The following PCDHA1 variants were observed in gnomAD, a reference collection of about 807,000 sequenced individuals.
The protein encoded by PCDHA1 is protocadherin alpha-1.
PCDHA1 carries 42 observed loss-of-function variants against 61.3 expected under a neutral mutation model. The ratio of observed to expected loss-of-function variants is 0.69; its 90% CI spans 0.54 to 0.89. The LOEUF (loss-of-function observed/expected upper bound fraction) is 0.89, where lower values mean the gene tolerates loss of function less well. Among genes scored for constraint, PCDHA1 ranks in the 40% least tolerant of loss-of-function variants. PCDHA1 has a pLI of 0.00. For missense variants in PCDHA1, 1,256 were observed against 1,235.3 expected, an observed-to-expected ratio of 1.02 and a Z score of -0.25; for synonymous variants, 610 against 553.8, an observed-to-expected ratio of 1.10 and a Z score of -1.43.
intron 1 of PCDHA1, among the ~76,000 whole-genome samples, chr5:140,941,953 C>A (rs1166757165): frequency 6.6e-6 from 1 of 152,054 alleles, no homozygotes; most frequent in Non-Finnish European, 1.5e-5. Flanking sequence ...GTTTTGAAAA[C>A]AATAGTATCT....
Position 140,958,902 on chromosome 5 carries a change from GAA to G in PCDHA1, c.2395-20044_2395-20043del, listed in dbSNP as rs201571519. On this transcript the variant is annotated intron_variant, in intron 1 of 3. Transcript: ENST00000504120. ...GACCAGTAGCTATATAATAGATACA[GAA>G]AAGTCTGCCTGGGTGTGGTGGCTCA... Among the ~76,000 whole-genome samples the G allele has an allele frequency of 8.2e-3, 1,248 of 152,002 alleles. 7 individuals carry two copies. The highest frequency in any genetic ancestry group is 0.021 in the Middle Eastern group (6 of 292).
In PCDHA1 at chr5:140,853,662, T is replaced by C. The variant is rs1319921056; in HGVS notation, c.2394+64978T>C. The C allele has an allele frequency of 3.4e-5, 34 of 988,522 alleles. 1 individual carries two copies. In the African/African-American group the frequency reaches 3.9e-4, roughly 11 times the overall value. 61.2% of individuals were successfully genotyped at this position (988,522 alleles called of 1,614,324 possible). ...CTAAATTGAGCCTGTTCCAGACAAA[T>C]TGGGGCCTATGGTCAACCTATCCTT... On this transcript the variant is annotated intron_variant, in intron 1 of 3. Coordinates refer to ENST00000504120, the MANE Select transcript of PCDHA1 (RefSeq NM_018900.4).
chr5:140,882,451 G>C, intron 1 of PCDHA1: 1 of 1,614,040 alleles, frequency 6.2e-7, no homozygotes. Flanking sequence ...AGCTGGTGCC[G>C]CGCCTGTTCC....
chr5:140,932,952 T>G (rs2088746376), intron 1 of PCDHA1, among the ~76,000 whole-genome samples: 1 of 152,008 alleles, frequency 6.6e-6, no homozygotes, highest in Non-Finnish European at 1.5e-5. Flanking sequence ...GAAGGTGGAC[T>G]AAATTGCTGA....
chr5:140,869,793 C>A (rs782122541), intron 1 of PCDHA1: 44 of 1,612,682 alleles, frequency 2.7e-5, no homozygotes, highest in Non-Finnish European at 3.7e-5. Context: ...GGCTGTTAGT[C>A]CAAGTCTTGG....
intron 1 of PCDHA1, among the ~76,000 whole-genome samples, chr5:140,915,719 T>C (rs545655335): frequency 6.6e-6 from 1 of 152,074 alleles, no homozygotes; most frequent in African/African-American, 2.4e-5. Context: ...GCCCCCACTT[T>C]GGATTGTGCT....
chr5:140,865,345 A>T (rs555567469), intron 1 of PCDHA1: 4 of 152,320 alleles, frequency 2.6e-5, no homozygotes, highest in African/African-American at 9.6e-5. Context: ...GAAATAGTAT[A>T]TTTACATATT....
chr5:140,967,628 T>C (rs1341456967), intron 1 of PCDHA1: 3 of 1,613,984 alleles, frequency 1.9e-6, no homozygotes, highest in Non-Finnish European at 2.5e-6. Context: ...GGATGAGGGC[T>C]CCAATGGTGA....
chr5:140,890,931 C>T (rs2062870447), intron 1 of PCDHA1, among the ~76,000 whole-genome samples: 1 of 152,090 alleles, frequency 6.6e-6, no homozygotes, highest in Admixed American at 6.6e-5. Context: ...TTCCTTTAGT[C>T]CAAAGATGCT....
chr5:140,801,535 C>T (rs1343853054), intron 1 of PCDHA1: 7 of 1,614,076 alleles, frequency 4.3e-6, no homozygotes, highest in African/African-American at 2.7e-5. Flanking sequence ...GTGGACAGGC[C>T]GCTGCAGGTT....
chr5:140,882,605 C>T (rs1554174797), intron 1 of PCDHA1: 2 of 1,614,120 alleles, frequency 1.2e-6, no homozygotes, highest in Non-Finnish European at 1.7e-6. Context: ...CGTGGACAGG[C>T]CTCTGCAGGT....
Position 140,993,289 on chromosome 5 carries a change from C to T in PCDHA1, c.2542+10726C>T, listed in dbSNP as rs148346866. Among the ~76,000 whole-genome samples the T allele has an allele frequency of 3.6e-3, 552 of 152,140 alleles. 3 individuals are homozygous for T. The highest frequency in any genetic ancestry group is 0.01 in the Middle Eastern group (3 of 294). On this transcript the variant is annotated intron_variant, in intron 3 of 3. Coordinates refer to ENST00000504120, the MANE Select transcript of PCDHA1 (RefSeq NM_018900.4). ...TCTTTGGTCTTTTCTTGCCCAGGGTCACAACCTTGCCTCCAGGATAATACC... is the reference window on the plus strand; with the variant it reads ...TCTTTGGTCTTTTCTTGCCCAGGGTTACAACCTTGCCTCCAGGATAATACC...
chr5:141,011,745 A>G lies in PCDHA1; in HGVS notation c.*1808A>G, dbSNP rs1378591918. 3 of 153,762 alleles carry G rather than the reference A, an allele frequency of 2.0e-5. No individual in the cohort carries two copies. The highest frequency in any genetic ancestry group is 1.9e-4 in the East Asian group (1 of 5,196). 9.5% of individuals were successfully genotyped at this position (153,762 alleles called of 1,614,324 possible). ...GGGTGTGCAAGCACAAATTTTACCA[A>G]TCTGACCTCTTTGAAGTTGCAGAAT... On this transcript the variant is annotated 3_prime_UTR_variant, in exon 4 of 4. Coordinates refer to ENST00000504120, the MANE Select transcript of PCDHA1 (RefSeq NM_018900.4).
At chr5:140,868,986 C>T in intron 1 of PCDHA1, 1 of 1,503,326 alleles carries the variant, frequency 6.7e-7, no homozygotes. Flanking sequence ...TACCGGATGC[C>T]ACCGTTTAAG....
At position 140,870,703 on chromosome 5, in the gene PCDHA1, G is replaced by C. The variant is rs899824906; in HGVS notation, c.2394+82019G>C. On this transcript the variant is annotated intron_variant, in intron 1 of 3. Coordinates refer to ENST00000504120, the MANE Select transcript of PCDHA1 (RefSeq NM_018900.4). ...GGAGCTGGAGCTGCTACAGTTCCAG[G>C]TGAGCGCGCGCGATGCGGGCGTGCC... is the stretch of plus-strand genomic sequence containing the variant. 6 of 1,613,034 alleles carry C rather than the reference G, an allele frequency of 3.7e-6. No homozygotes were observed. In the Admixed American group the frequency reaches 1.0e-4, roughly 27 times the overall value.
At chr5:140,882,247 T>C in intron 1 of PCDHA1, 1 of 1,594,292 alleles carries the variant, frequency 6.3e-7, no homozygotes, top group Non-Finnish European at 8.6e-7. Context: ...TGCAGATAGC[T>C]CTGAGGTTTT....
chr5:140,879,872 T>C (rs944464993), intron 1 of PCDHA1, among the ~76,000 whole-genome samples: 1 of 152,208 alleles, frequency 6.6e-6, no homozygotes, highest in African/African-American at 2.4e-5. Context: ...GCTTTCATGG[T>C]CACATTGCCT....
chr5:140,877,992 A>C, intron 1 of PCDHA1: 1 of 1,096,636 alleles, frequency 9.1e-7, no homozygotes, highest in South Asian at 2.1e-5. Context: ...TTGAACTTTT[A>C]TGTATTTGTC....
At chr5:140,868,942 C>A (rs1238492263) in intron 1 of PCDHA1, 2 of 1,255,934 alleles carry the variant, frequency 1.6e-6, no homozygotes, top group South Asian at 1.6e-5. Flanking sequence ...TTGGTCTGAA[C>A]AGTGAGGCAC....
Sources: allele counts gnomAD v4.1 joint callset (sites outside exome capture counted in the v4.1 genomes callset), GRCh38; gene constraint gnomAD v4.1.1; transcripts MANE v1.5; gene names NCBI Gene and HGNC (gene_info 2026-07-23, HGNC 2026-07-21).